Variants in ARHGAP26 observed in about 807,000 individuals in gnomAD.
The protein encoded by ARHGAP26 is rho GTPase-activating protein 26.
ARHGAP26 carries 38 observed loss-of-function variants against 104.8 expected under a neutral mutation model. The ratio of observed to expected loss-of-function variants is 0.36; its 90% confidence interval spans 0.28 to 0.48. The LOEUF (loss-of-function observed/expected upper bound fraction) is 0.48. Among genes scored for constraint, ARHGAP26 ranks in the 20% least tolerant of loss-of-function variants. The probability of loss-of-function intolerance (pLI) is 0.99; values close to 1 mark genes in which losing one functional copy is unlikely to be tolerated. For missense variants in ARHGAP26, 704 were observed against 947.9 expected (o/e 0.74, Z 3.38); for synonymous variants, 341 against 340.0 (o/e 1.00, Z -0.03).
chr5:143,008,682 A>G (rs749938878), intron 11 of ARHGAP26, among the ~76,000 whole-genome samples: 11 of 152,212 alleles, frequency 7.2e-5, no homozygotes, highest in Non-Finnish European at 1.3e-4. Flanking sequence ...AAAGTGTGGT[A>G]TGGCTAAGCT....
Position 143,127,907 on chromosome 5 carries a change from T to C in ARHGAP26, c.1699-6060T>C, listed in dbSNP as rs1420164614. On this transcript the variant is annotated intron_variant, in intron 18 of 22. Coordinates refer to ENST00000645722, the MANE Select transcript of ARHGAP26 (RefSeq NM_001135608.3). ...ATGCTTCACTATGTTGAAATAGTCA[T>C]TGGTACTCTTGCCTGCTCAGGAAGC... 4.6e-5 allele frequency among the ~76,000 whole-genome samples: 7 copies of C among 152,250 alleles called. No homozygotes were observed. The South Asian group carries it at 1.2e-3, about 27-fold the overall frequency.
At chr5:142,828,604 T>C (rs1309333150) in intron 1 of ARHGAP26, among the ~76,000 whole-genome samples, 1 of 152,210 alleles carries the variant, frequency 6.6e-6, no homozygotes, top group Non-Finnish European at 1.5e-5. Flanking sequence ...ACTAAAATAC[T>C]GTGTGTCTTT....
chr5:142,952,075 C>T (rs1768472317), intron 11 of ARHGAP26, among the ~76,000 whole-genome samples: 1 of 152,194 alleles, frequency 6.6e-6, no homozygotes, highest in Non-Finnish European at 1.5e-5. Context: ...TTTCGCTGCT[C>T]TTCTGTCTCT....
intron 17 of ARHGAP26, among the ~76,000 whole-genome samples, chr5:143,086,438 C>A (rs1486752974): frequency 6.7e-6 from 1 of 149,686 alleles, no homozygotes; most frequent in Admixed American, 6.6e-5. Context: ...CTTCAACGAG[C>A]CATAAATTGG....
intron 11 of ARHGAP26, among the ~76,000 whole-genome samples, chr5:142,955,590 A>G (rs1478772957): frequency 6.6e-6 from 1 of 152,206 alleles, no homozygotes; most frequent in Non-Finnish European, 1.5e-5. Context: ...TACCCATATC[A>G]CAAACCTCCC....
chr5:142,870,369 G>A (rs1450439403), intron 1 of ARHGAP26, among the ~76,000 whole-genome samples: 1 of 152,188 alleles, frequency 6.6e-6, no homozygotes, highest in Non-Finnish European at 1.5e-5. Flanking sequence ...TGGTTTTTAG[G>A]TAGAGAGTTC....
chr5:142,883,854 C>T (rs1183897510), intron 4 of ARHGAP26, among the ~76,000 whole-genome samples: 1 of 152,210 alleles, frequency 6.6e-6, no homozygotes, highest in African/African-American at 2.4e-5. Context: ...ACTGGTTAAT[C>T]ATGGTTCTCC....
At chr5:142,870,327 A>G (rs756018342) in intron 1 of ARHGAP26, among the ~76,000 whole-genome samples, 23 of 152,232 alleles carry the variant, frequency 1.5e-4, no homozygotes, top group South Asian at 4.1e-4. Flanking sequence ...AGATACCACC[A>G]ATCTTACTGG....
At chr5:143,107,069 G>A (rs1377883242) in intron 17 of ARHGAP26, among the ~76,000 whole-genome samples, 2 of 152,076 alleles carry the variant, frequency 1.3e-5, no homozygotes, top group East Asian at 1.9e-4. Flanking sequence ...ATTTGCCGTC[G>A]GAATGAAAGC....
At chr5:143,025,615 G>C (rs1780937958) in intron 12 of ARHGAP26, among the ~76,000 whole-genome samples, 1 of 152,244 alleles carries the variant, frequency 6.6e-6, no homozygotes, top group Non-Finnish European at 1.5e-5. Context: ...AAGCTGGTCA[G>C]TGTTACTGCA....
chr5:142,788,296 C>T (rs1009939188), intron 1 of ARHGAP26, among the ~76,000 whole-genome samples: 3 of 152,084 alleles, frequency 2.0e-5, no homozygotes, highest in African/African-American at 4.8e-5. Flanking sequence ...ACACCGCGCC[C>T]GGCCAATTAA....
chr5:143,011,863 G>A (rs1778802461), intron 11 of ARHGAP26, among the ~76,000 whole-genome samples: 1 of 152,190 alleles, frequency 6.6e-6, no homozygotes, highest in South Asian at 2.1e-4. Context: ...TTCCATGAAT[G>A]TTAAGCATTT....
Position 143,227,389 on chromosome 5 carries a change from A to G in ARHGAP26, c.*4943A>G. The G allele has an allele frequency of 4.3e-6, 1 of 231,498 alleles. No individual in the cohort carries two copies. The highest frequency in any genetic ancestry group is 8.5e-6 in the Non-Finnish European group (1 of 116,962). The allele number at this position is 231,498 out of a possible 1,614,324, so 14.3% of individuals were successfully genotyped here. ...ACAACCCTGCCCCACATCACTTTAT[A>G]AAGTCAGCAGGATGTCTTCTCACCC... On this transcript the variant is annotated 3_prime_UTR_variant, in exon 23 of 23. Transcript: ENST00000645722.
chr5:143,204,439 G>T (rs1055348361), intron 20 of ARHGAP26, among the ~76,000 whole-genome samples: 42 of 152,166 alleles, frequency 2.8e-4, no homozygotes, highest in African/African-American at 9.9e-4. Flanking sequence ...TAGGAGAATC[G>T]CTTGAACCCA....
intron 18 of ARHGAP26, among the ~76,000 whole-genome samples, chr5:143,125,883 G>T (rs1317817858): frequency 2.6e-5 from 4 of 152,136 alleles, no homozygotes; most frequent in Non-Finnish European, 4.4e-5. Context: ...CTGAAGTGCA[G>T]ACACTTTAAG....
intron 11 of ARHGAP26, among the ~76,000 whole-genome samples, chr5:142,956,323 C>T (rs1341131516): frequency 1.3e-5 from 2 of 152,196 alleles, no homozygotes; most frequent in East Asian, 1.9e-4. Flanking sequence ...TGCCTGTAAT[C>T]CCAGCACTTT....
At chr5:142,837,071 T>C (rs1485373451) in intron 1 of ARHGAP26, among the ~76,000 whole-genome samples, 1 of 152,232 alleles carries the variant, frequency 6.6e-6, no homozygotes, top group Non-Finnish European at 1.5e-5. Context: ...TTGTCTAAAA[T>C]TCATTATCTG....
At chr5:143,131,959 G>A (rs1388500885) in intron 18 of ARHGAP26, among the ~76,000 whole-genome samples, 1 of 152,206 alleles carries the variant, frequency 6.6e-6, no homozygotes, top group African/African-American at 2.4e-5. Flanking sequence ...GACTAGAGAT[G>A]TTTATAGCAC....
At chr5:142,800,248 G>T (rs987436618) in intron 1 of ARHGAP26, among the ~76,000 whole-genome samples, 7 of 152,138 alleles carry the variant, frequency 4.6e-5, no homozygotes, top group African/African-American at 1.7e-4. Context: ...GAGACATGCA[G>T]CTTATTCGCT....
Sources: gnomAD v4.1 joint callset for allele counts (sites outside exome capture counted in the v4.1 genomes callset) on GRCh38, gnomAD v4.1.1 for gene constraint, MANE v1.5 for transcripts, NCBI Gene and HGNC (gene_info 2026-07-23, HGNC 2026-07-21) for gene names.